Variants in CLTCL1 observed in about 807,000 individuals in gnomAD.
CLTCL1 encodes the protein clathrin heavy chain 2.
In CLTCL1, 159 loss-of-function variants were observed where a neutral mutation model predicts 190.0. The ratio of observed to expected loss-of-function variants is 0.84; its 90% CI spans 0.74 to 0.95. The LOEUF (loss-of-function observed/expected upper bound fraction) is 0.95, where lower values mean the gene tolerates loss of function less well. Among genes scored for constraint, CLTCL1 ranks in the 40% least tolerant of loss-of-function variants. The pLI is 0.00. For missense variants in CLTCL1, 1,878 were observed against 2,033.4 expected (o/e 0.92, Z 1.47); for synonymous variants, 752 against 769.6 (o/e 0.98, Z 0.38).
chr22:19,188,062 G>A lies in CLTCL1; in HGVS notation c.4353C>T (p.Tyr1451=). ...TGTTGTGGCTCTGGACTGACCGCAG[G>A]TAAGGCTTCACCAGGGGCAGCTGAC... ...KAGQLPLVKP[Y]LRSVQSHNNK... The change falls in exon 28 of 33, where the codon TAC becomes TAT. Residue 1451 remains tyrosine, a synonymous_variant. Coordinates refer to ENST00000427926, the MANE Select transcript of CLTCL1 (RefSeq NM_007098.4). 1 of 1,614,034 alleles carries A rather than the reference G, an allele frequency of 6.2e-7. No homozygotes were observed. Among genetic ancestry groups the A allele is most frequent in the Non-Finnish European group, 8.5e-7 (1 of 1,179,892 alleles).
chr22:19,193,695 C>G lies in CLTCL1; in HGVS notation c.4192-2260G>C, dbSNP rs868940247. Among the ~76,000 whole-genome samples the G allele has an allele frequency of 3.3e-5, 5 of 152,242 alleles. No homozygotes were observed. The South Asian group carries it at 6.2e-4, about 19-fold the overall frequency. ...TCCGGTGGGTTCTTGGTCTCACTGA[C>G]TTCAAGAATGAAGCCACAGACCCTC... On this transcript the variant is annotated intron_variant, in intron 26 of 32. Coordinates refer to ENST00000427926, the MANE Select transcript of CLTCL1 (RefSeq NM_007098.4).
At chr22:19,244,160 C>T (rs1428176975) in intron 3 of CLTCL1, among the ~76,000 whole-genome samples, 1 of 152,138 alleles carries the variant, frequency 6.6e-6, no homozygotes, top group Non-Finnish European at 1.5e-5. Flanking sequence ...TGGGTAAAAT[C>T]CTCAGTCTAT....
intron 24 of CLTCL1, among the ~76,000 whole-genome samples, chr22:19,199,533 G>A (rs1555937809): frequency 1.3e-5 from 2 of 152,248 alleles, no homozygotes; most frequent in Non-Finnish European, 2.9e-5. Context: ...AGCCAGCCAT[G>A]AGGTCGAGGA....
Position 19,219,883 on chromosome 22 carries a change from A to G in CLTCL1, c.2919+2T>C. 1 of 1,614,044 alleles carries G rather than the reference A, an allele frequency of 6.2e-7. No homozygotes were observed. Among genetic ancestry groups the G allele is most frequent in the Non-Finnish European group, 8.5e-7 (1 of 1,179,890 alleles). On this transcript the variant is annotated splice_donor_variant, in intron 18 of 32. Transcript: ENST00000427926. LOFTEE classifies it high-confidence loss of function. ...GCAGACATACCCATCTCTGTGCCTC[A>G]CCTGGTCAATTAGCTGTCTCCTGGA...
At chr22:19,228,839 A>C (rs1555957446) in intron 11 of CLTCL1, among the ~76,000 whole-genome samples, 1 of 152,228 alleles carries the variant, frequency 6.6e-6, no homozygotes, top group Non-Finnish European at 1.5e-5. Context: ...CTGCTCCCAC[A>C]AGTTTCAGGC....
intron 28 of CLTCL1, 65 bp downstream of exon 28, chr22:19,187,916 C>T (rs2084366053): frequency 7.3e-6 from 11 of 1,511,294 alleles, no homozygotes; most frequent in African/African-American, 1.4e-5. Context: ...GCTTTGAGAA[C>T]AGAATGGCAG....
Position 19,201,908 on chromosome 22 carries a change from T to C in CLTCL1, c.3601-415A>G, listed in dbSNP as rs569850636. On this transcript the variant is annotated intron_variant, in intron 22 of 32. Transcript: ENST00000427926. ...GTTCCTGATGCCATTTACAAATCTT[T>C]CTCATTCTCTGGCAATTTATTTGAC... 3.8e-4 allele frequency among the ~76,000 whole-genome samples: 58 copies of C among 152,250 alleles called. No homozygotes were observed. The South Asian group carries it at 7.3e-3, about 19-fold the overall frequency.
At chr22:19,279,310 A>T (rs901957036) in intron 1 of CLTCL1, among the ~76,000 whole-genome samples, 13 of 148,094 alleles carry the variant, frequency 8.8e-5, no homozygotes, top group African/African-American at 3.0e-4. Context: ...TGATTTTTGT[A>T]ATTTTTAGTA....
chr22:19,208,343 A>G, intron 21 of CLTCL1, 32 bp from the exon 22 acceptor site: 1 of 1,605,238 alleles, frequency 6.2e-7, no homozygotes, highest in East Asian at 2.2e-5. Flanking sequence ...AGGTTAACCC[A>G]GAGCTGATAA....
intron 2 of CLTCL1, among the ~76,000 whole-genome samples, chr22:19,272,452 T>C: frequency 6.6e-6 from 1 of 152,218 alleles, no homozygotes; most frequent in Admixed American, 6.5e-5. Flanking sequence ...AATTTTTTTT[T>C]GAGACAGAGT....
intron 4 of CLTCL1, among the ~76,000 whole-genome samples, chr22:19,241,285 G>A (rs2086246110): frequency 6.6e-6 from 1 of 152,236 alleles, no homozygotes; most frequent in African/African-American, 2.4e-5. Context: ...AGGGCACTCT[G>A]TGAGGCAGGC....
At chr22:19,190,161 G>A (rs934082926) in intron 27 of CLTCL1, among the ~76,000 whole-genome samples, 2 of 152,044 alleles carry the variant, frequency 1.3e-5, no homozygotes, top group South Asian at 2.1e-4. Context: ...GGCTAGTCTC[G>A]AACTCCTGAC....
intron 18 of CLTCL1, among the ~76,000 whole-genome samples, chr22:19,217,796 C>T (rs764091636): frequency 6.7e-6 from 1 of 148,500 alleles, no homozygotes; most frequent in Admixed American, 6.8e-5. Flanking sequence ...TGCAGTGAGC[C>T]GAGATCACGC....
Position 19,232,605 on chromosome 22 carries a change from G to C in CLTCL1, c.1522-7C>G, listed in dbSNP as rs1474371942. On this transcript the variant is annotated splice_region_variant and splice_polypyrimidine_tract_variant and intron_variant, in intron 9 of 32. Coordinates refer to ENST00000427926, the MANE Select transcript of CLTCL1 (RefSeq NM_007098.4). The stretch of plus-strand genomic sequence containing the variant: ...AGTCTGGGGTGTACCCAACCTAGAA[G>C]CAAGGGAGCACCAATCAGGAAAATC... The C allele has an allele frequency of 6.2e-7, 1 of 1,608,820 alleles. No individual in the cohort carries two copies. Among genetic ancestry groups the C allele is most frequent in the African/African-American group, 1.3e-5 (1 of 74,788 alleles).
At chr22:19,212,126 A>AT (rs1462369992) in intron 19 of CLTCL1, among the ~76,000 whole-genome samples, 2 of 152,206 alleles carry the variant, frequency 1.3e-5, no homozygotes, top group Admixed American at 1.3e-4. Flanking sequence ...CATAGTAAAG[A>AT]TATCAATTCT....
intron 1 of CLTCL1, among the ~76,000 whole-genome samples, chr22:19,284,954 C>G (rs1233636599): frequency 6.8e-6 from 1 of 147,146 alleles, no homozygotes; most frequent in African/African-American, 2.5e-5. Flanking sequence ...GACTCTGTCT[C>G]AAGAAAATAA....
In CLTCL1 at chr22:19,179,862, G is replaced by C; in HGVS notation, c.*128C>G. On this transcript the variant is annotated 3_prime_UTR_variant, in exon 33 of 33. Transcript: ENST00000427926. ...TAGTAACTCTGCAGGTAGGGTGGGT[G>C]GTGACAACGCCCACTACACGCGGAA... 1 of 358,954 alleles carries C rather than the reference G, an allele frequency of 2.8e-6. No homozygotes were observed. The highest frequency in any genetic ancestry group is 3.8e-5 in the South Asian group (1 of 26,662). 22.2% of individuals were successfully genotyped at this position (358,954 alleles called of 1,614,324 possible).
chr22:19,290,979 C>G (rs1555993040), intron 1 of CLTCL1, among the ~76,000 whole-genome samples: 1 of 152,194 alleles, frequency 6.6e-6, no homozygotes, highest in East Asian at 1.9e-4. Flanking sequence ...GCGGCCCGCA[C>G]GACGCCCGAC....
intron 31 of CLTCL1, among the ~76,000 whole-genome samples, 174 bp downstream of exon 31, chr22:19,180,557 C>T (rs960609213): frequency 7.9e-5 from 12 of 152,176 alleles, no homozygotes; most frequent in South Asian, 2.1e-4. Flanking sequence ...GGACAGCGGC[C>T]GTGCCAACAT....
Sources: allele counts gnomAD v4.1 joint callset (sites outside exome capture counted in the v4.1 genomes callset), GRCh38; gene constraint gnomAD v4.1.1; transcripts MANE v1.5; gene names NCBI Gene and HGNC (gene_info 2026-07-23, HGNC 2026-07-21).